Variants in HIGD1C observed in about 807,000 individuals in gnomAD.
HIGD1C encodes the protein HIG1 hypoxia inducible domain family member 1C, also known as HIG1 domain family member 1C.
A neutral mutation model predicts 13.1 loss-of-function variants in HIGD1C; 11 were observed. The ratio of observed to expected loss-of-function variants is 0.84; its 90% CI spans 0.53 to 1.39. The LOEUF is 1.39. Among genes scored for constraint, HIGD1C ranks in the 40% most tolerant of loss-of-function variants. The pLI, the probability that HIGD1C is intolerant of heterozygous loss-of-function variation, is 0.00. For synonymous variants in HIGD1C, 36 were observed against 37.7 expected (o/e 0.95, Z 0.17); for missense variants, 110 against 112.0 (o/e 0.98, Z 0.08).
At chr12:50,952,325 G>A (rs531214349), upstream of HIGD1C, among the ~76,000 whole-genome samples, 5 of 152,236 alleles carry the variant, frequency 3.3e-5, no homozygotes, top group Admixed American at 2.0e-4. Flanking sequence ...GCGGGTACCA[G>A]ACACACAGTT....
At chr12:50,934,439 T>G in the HIGD1C span, among the ~76,000 whole-genome samples, 1 of 152,224 alleles carries the variant, frequency 6.6e-6, no homozygotes, top group South Asian at 2.1e-4. Flanking sequence ...ACTTGGCACT[T>G]AATATAGGTT....
the HIGD1C span, among the ~76,000 whole-genome samples, chr12:50,946,612 A>T: frequency 1.3e-5 from 2 of 152,190 alleles, no homozygotes; most frequent in Non-Finnish European, 2.9e-5. Context: ...GAGAAATAGG[A>T]ACACTTTTAC....
chr12:50,952,226 T>C (rs1938923860), upstream of HIGD1C, among the ~76,000 whole-genome samples: 1 of 151,860 alleles, frequency 6.6e-6, no homozygotes, highest in African/African-American at 2.4e-5. Flanking sequence ...CATACAAAAG[T>C]ATATGGAAGA....
At chr12:50,962,282 GC>G (rs566108353) in intron 2 of HIGD1C, among the ~76,000 whole-genome samples, 30 of 151,624 alleles carry the variant, frequency 2.0e-4, no homozygotes, top group African/African-American at 6.8e-4. Flanking sequence ...GGTGGCACAT[GC>G]CTGTAATCCC....
At chr12:50,931,763 C>CTG in the HIGD1C span, 1 of 149,342 alleles carries the variant, frequency 6.7e-6, no homozygotes, top group African/African-American at 2.5e-5. Flanking sequence ...CAGGGTCTCA[C>CTG]TGTGTTGCCT....
chr12:50,964,003 C>T (rs1939446065), intron 2 of HIGD1C, among the ~76,000 whole-genome samples: 1 of 152,218 alleles, frequency 6.6e-6, no homozygotes, highest in Non-Finnish European at 1.5e-5. Context: ...AGAATCCCTT[C>T]ATACGTCTTT....
chr12:50,968,650 T>C (rs1286073597), intron 2 of HIGD1C, among the ~76,000 whole-genome samples: 2 of 152,088 alleles, frequency 1.3e-5, no homozygotes, highest in African/African-American at 2.4e-5. Context: ...CAAGTGATTC[T>C]CCTCACTTTG....
exon 1 of HIGD1C, chr12:50,954,077 C>A (rs780307602): frequency 6.2e-7 from 1 of 1,607,408 alleles, no homozygotes; most frequent in Non-Finnish European, 8.5e-7. Flanking sequence ...TAGAGACTCC[C>A]CCTTTGTCCC....
chr12:50,958,282 C>A (rs1429209190), intron 1 of HIGD1C, among the ~76,000 whole-genome samples: 1 of 133,932 alleles, frequency 7.5e-6, no homozygotes, highest in Non-Finnish European at 1.6e-5. Flanking sequence ...CTAAAATAAT[C>A]TTTTTTTTTT....
At chr12:50,968,691 G>A (rs552349014) in intron 2 of HIGD1C, among the ~76,000 whole-genome samples, 7 of 152,042 alleles carry the variant, frequency 4.6e-5, no homozygotes, top group East Asian at 1.9e-4. Flanking sequence ...ACAGGCACCC[G>A]TCACCACACC....
chr12:50,968,924 C>T (rs1939653536), intron 2 of HIGD1C, among the ~76,000 whole-genome samples: 1 of 152,172 alleles, frequency 6.6e-6, no homozygotes, highest in South Asian at 2.1e-4. Context: ...AGTGATCCTC[C>T]TCCCTTGGCC....
At chr12:50,950,548 G>A (rs1778908396), upstream of HIGD1C, among the ~76,000 whole-genome samples, 1 of 152,048 alleles carries the variant, frequency 6.6e-6, no homozygotes, top group African/African-American at 2.4e-5. Context: ...CTGTCACCCA[G>A]ACTGAGTGCA....
the HIGD1C span, among the ~76,000 whole-genome samples, chr12:50,940,717 C>T: frequency 7.3e-6 from 1 of 136,210 alleles, no homozygotes; most frequent in South Asian, 2.6e-4. Flanking sequence ...AGTGAGACCC[C>T]ATCTCAAAAA....
upstream of HIGD1C, among the ~76,000 whole-genome samples, chr12:50,953,420 T>C (rs1489373182): frequency 6.6e-6 from 1 of 152,216 alleles, no homozygotes; most frequent in East Asian, 1.9e-4. Context: ...GTTTCTTCAT[T>C]CATCCTATGT....
chr12:50,962,428 G>A (rs778754011), intron 2 of HIGD1C, among the ~76,000 whole-genome samples: 1 of 150,480 alleles, frequency 6.6e-6, no homozygotes, highest in Non-Finnish European at 1.5e-5. Flanking sequence ...AGCCAGGCAC[G>A]GTGGCTCATG....
the HIGD1C span, among the ~76,000 whole-genome samples, chr12:50,948,273 CAA>C: frequency 6.6e-6 from 1 of 152,100 alleles, no homozygotes; most frequent in Non-Finnish European, 1.5e-5. Flanking sequence ...ATTGAATATG[CAA>C]AATGACCATT....
the HIGD1C span, among the ~76,000 whole-genome samples, chr12:50,945,278 A>G: frequency 1.1e-3 from 175 of 152,306 alleles, no homozygotes; most frequent in African/African-American, 3.9e-3. Context: ...CAGTTAGGAA[A>G]AGAGGAAGTC....
chr12:50,962,427 C>T (rs4768944), intron 2 of HIGD1C, among the ~76,000 whole-genome samples: 12 of 150,968 alleles, frequency 7.9e-5, no homozygotes, highest in South Asian at 2.1e-4. Flanking sequence ...AAGCCAGGCA[C>T]GGTGGCTCAT....
At chr12:50,950,372 T>G (rs1367539110), upstream of HIGD1C, among the ~76,000 whole-genome samples, 1 of 151,922 alleles carries the variant, frequency 6.6e-6, no homozygotes, top group Admixed American at 6.6e-5. Flanking sequence ...TATTTTAAAA[T>G]AAAATAAAAT....
Sources: gnomAD v4.1 joint callset for allele counts (sites outside exome capture counted in the v4.1 genomes callset) on GRCh38, gnomAD v4.1.1 for gene constraint, MANE v1.5 for transcripts, NCBI Gene and HGNC (gene_info 2026-07-23, HGNC 2026-07-21) for gene names.